The following STXBP6 variants were observed in gnomAD, a reference collection of about 807,000 sequenced individuals.
The protein encoded by STXBP6 is syntaxin binding protein 6, also known as syntaxin-binding protein 6.
A neutral mutation model predicts 26.9 loss-of-function variants in STXBP6; 21 were observed. The observed-to-expected ratio is 0.78, with a 90% CI of 0.55 to 1.12. The LOEUF is 1.12. Ranked by LOEUF, STXBP6 falls within the 50% of genes most tolerant of loss-of-function variation. The pLI is 0.00. For missense variants in STXBP6, 232 were observed against 257.9 expected (o/e 0.90, Z 0.69); for synonymous variants, 97 against 92.6 (o/e 1.05, Z -0.27).
At chr14:24,932,850 G>C (rs930210039) in intron 2 of STXBP6, among the ~76,000 whole-genome samples, 9 of 150,232 alleles carry the variant, frequency 6.0e-5, no homozygotes, top group Non-Finnish European at 1.0e-4. Context: ...AAATAACTAG[G>C]GGGAAAAGGG....
At chr14:25,024,295 T>A (rs927441835) in intron 1 of STXBP6, among the ~76,000 whole-genome samples, 1 of 150,550 alleles carries the variant, frequency 6.6e-6, no homozygotes, top group African/African-American at 2.4e-5. Flanking sequence ...GGTGACAGAG[T>A]GAGACTCTGA....
chr14:24,840,597 T>TA (rs2068755867), intron 4 of STXBP6, among the ~76,000 whole-genome samples: 1 of 152,216 alleles, frequency 6.6e-6, no homozygotes, highest in African/African-American at 2.4e-5. Flanking sequence ...CTGAGGGCTT[T>TA]AGGCTTTATC....
intron 2 of STXBP6, among the ~76,000 whole-genome samples, chr14:24,947,200 C>G (rs537415458): frequency 1.2e-4 from 18 of 144,534 alleles, no homozygotes; most frequent in Non-Finnish European, 2.6e-4. Flanking sequence ...TAATAGAGAG[C>G]TCCATATGTG....
chr14:24,932,136 C>T lies in STXBP6; in HGVS notation c.154+42529G>A, dbSNP rs528185931. The stretch of plus-strand genomic sequence containing the variant: ...ATAAGATTTAGATTTGGGCTGGGCA[C>T]GGTGGCTCATGCCTGTAATCCCAGC... On this transcript the variant is annotated intron_variant, in intron 2 of 5. Coordinates refer to ENST00000323944, the MANE Select transcript of STXBP6 (RefSeq NM_001394410.1). Among the ~76,000 whole-genome samples, 96 of 152,164 alleles carry T rather than the reference C, an allele frequency of 6.3e-4. 1 individual carries two copies. Among genetic ancestry groups the T allele is most frequent in the African/African-American group, 1.6e-3 (66 of 41,528 alleles).
In STXBP6 at chr14:25,004,511, A is replaced by G. The variant is rs2140347035; in HGVS notation, c.-32-29661T>C. ...ACCTGAAATAAGTTTCAAGGGCAAAACTGACTGGATTAGGAGGAACAAAGA... is the reference window on the plus strand; with the variant it reads ...ACCTGAAATAAGTTTCAAGGGCAAAGCTGACTGGATTAGGAGGAACAAAGA... On this transcript the variant is annotated intron_variant, in intron 1 of 5. Coordinates refer to ENST00000323944, the MANE Select transcript of STXBP6 (RefSeq NM_001394410.1). Among the ~76,000 whole-genome samples, 3 of 152,304 alleles carry G rather than the reference A, an allele frequency of 2.0e-5. No homozygotes were observed. In the East Asian group the frequency reaches 5.8e-4, roughly 29 times the overall value.
intron 2 of STXBP6, among the ~76,000 whole-genome samples, chr14:24,960,769 T>C (rs1489910651): frequency 1.3e-5 from 2 of 152,228 alleles, no homozygotes; most frequent in African/African-American, 2.4e-5. Context: ...TGATCATTAG[T>C]AGACAGGCTC....
At chr14:24,829,146 A>C (rs1314045376) in intron 4 of STXBP6, among the ~76,000 whole-genome samples, 1 of 152,202 alleles carries the variant, frequency 6.6e-6, no homozygotes, top group East Asian at 1.9e-4. Context: ...CACTTTGATT[A>C]AAGTTGAAAG....
intron 1 of STXBP6, among the ~76,000 whole-genome samples, chr14:24,998,838 C>A (rs1167673478): frequency 2.6e-5 from 4 of 152,108 alleles, no homozygotes; most frequent in African/African-American, 9.7e-5. Flanking sequence ...CTTAAAAAAT[C>A]AATAGTCTGT....
chr14:24,836,867 A>G (rs372880185), intron 4 of STXBP6, among the ~76,000 whole-genome samples: 203 of 152,310 alleles, frequency 1.3e-3, no homozygotes, highest in African/African-American at 4.7e-3. Flanking sequence ...GGATAGATCT[A>G]TAATTAAAGC....
chr14:25,020,516 A>G (rs1437214340), intron 1 of STXBP6, among the ~76,000 whole-genome samples: 1 of 152,184 alleles, frequency 6.6e-6, no homozygotes, highest in Non-Finnish European at 1.5e-5. Flanking sequence ...CTGCAATCAC[A>G]TAGACAACCT....
Position 24,812,596 on chromosome 14 carries a change from A to C in STXBP6, c.*113T>G. The C allele has an allele frequency of 9.8e-7, 1 of 1,023,524 alleles. No homozygotes were observed. Among genetic ancestry groups the C allele is most frequent in the Non-Finnish European group, 1.5e-6 (1 of 665,980 alleles). 63.4% of individuals were successfully genotyped at this position (1,023,524 alleles called of 1,614,324 possible). On this transcript the variant is annotated 3_prime_UTR_variant, in exon 6 of 6. Coordinates refer to ENST00000323944, the MANE Select transcript of STXBP6 (RefSeq NM_001394410.1). ...GAAAAGAAAAAACAAAAACCACTCT[A>C]AGTGTCCAAATATTGGAAAAAAAGA...
intron 2 of STXBP6, among the ~76,000 whole-genome samples, chr14:24,884,040 C>A (rs901313084): frequency 6.6e-6 from 1 of 151,962 alleles, no homozygotes; most frequent in Non-Finnish European, 1.5e-5. Context: ...TAATAAATTT[C>A]ATAATCAATT....
At chr14:24,875,426 A>G (rs1040262240) in intron 2 of STXBP6, among the ~76,000 whole-genome samples, 3 of 152,224 alleles carry the variant, frequency 2.0e-5, no homozygotes, top group African/African-American at 7.2e-5. Context: ...TAAACGTCCA[A>G]CACACAAAGA....
intron 1 of STXBP6, chr14:25,010,646 G>C (rs1459346736): frequency 6.6e-6 from 1 of 152,202 alleles, no homozygotes. Context: ...GGAAACTAAA[G>C]CACAGAAAGG....
At chr14:25,006,513 T>C (rs969648853) in intron 1 of STXBP6, among the ~76,000 whole-genome samples, 1 of 152,202 alleles carries the variant, frequency 6.6e-6, no homozygotes, top group African/African-American at 2.4e-5. Context: ...ATAAACATGG[T>C]TGATGCTTTA....
intron 2 of STXBP6, among the ~76,000 whole-genome samples, chr14:24,923,549 A>C (rs1214383501): frequency 3.3e-5 from 5 of 152,210 alleles, no homozygotes; most frequent in Non-Finnish European, 5.9e-5. Flanking sequence ...CAAAGTGGTT[A>C]TATCAATTTA....
intron 1 of STXBP6, among the ~76,000 whole-genome samples, chr14:24,997,905 T>A (rs1355076982): frequency 6.6e-6 from 1 of 152,182 alleles, no homozygotes; most frequent in Non-Finnish European, 1.5e-5. Context: ...ATCCTATTTT[T>A]AAAAACTATA....
intron 5 of STXBP6, among the ~76,000 whole-genome samples, chr14:24,812,960 T>C (rs1208325611): frequency 6.6e-6 from 1 of 150,670 alleles, no homozygotes; most frequent in African/African-American, 2.4e-5. Flanking sequence ...ATAGCTTTGC[T>C]GGTGTATGCA....
intron 2 of STXBP6, among the ~76,000 whole-genome samples, chr14:24,966,442 G>A (rs984845182): frequency 1.3e-5 from 2 of 151,476 alleles, no homozygotes; most frequent in Non-Finnish European, 2.9e-5. Context: ...GATGGACCCA[G>A]GCATGAGTCA....
Sources: gnomAD v4.1 joint callset for allele counts (sites outside exome capture counted in the v4.1 genomes callset) on GRCh38, gnomAD v4.1.1 for gene constraint, MANE v1.5 for transcripts, NCBI Gene and HGNC (gene_info 2026-07-23, HGNC 2026-07-21) for gene names.